The following ZNF292 variants were observed in gnomAD, a reference collection of about 807,000 sequenced individuals.
ZNF292 encodes 16 zinc-finger domain protein.
Under a neutral mutation model 217.9 loss-of-function variants are expected in ZNF292, and 26 were observed. The observed-to-expected ratio is 0.12, with a 90% CI of 0.09 to 0.17. The LOEUF is 0.17. Ranked by LOEUF, ZNF292 falls within the 10% of genes least tolerant of loss-of-function variation. The pLI, the probability that ZNF292 is intolerant of heterozygous loss-of-function variation, is 1.00. For missense variants in ZNF292, 2,904 were observed against 3,175.2 expected (o/e 0.91, Z 2.05); for synonymous variants, 1,257 against 1,124.1 (o/e 1.12, Z -2.37).
intron 1 of ZNF292, among the ~76,000 whole-genome samples, chr6:87,215,376 C>G (rs2127801683): frequency 6.6e-6 from 1 of 151,868 alleles, no homozygotes; most frequent in East Asian, 1.9e-4. Flanking sequence ...TGTTGAAAGT[C>G]TTTGGATGAC....
chr6:87,217,471 GT>G (rs1446795292), intron 3 of ZNF292, among the ~76,000 whole-genome samples: 1 of 151,614 alleles, frequency 6.6e-6, no homozygotes, highest in Non-Finnish European at 1.5e-5. Flanking sequence ...TGTATCTTAG[GT>G]TTTTTTTCCA....
intron 1 of ZNF292, among the ~76,000 whole-genome samples, chr6:87,175,192 A>G (rs1305730447): frequency 1.3e-5 from 2 of 152,062 alleles, no homozygotes; most frequent in Admixed American, 1.3e-4. Context: ...TTCTCTCCTT[A>G]TGTGAAACTT....
intron 1 of ZNF292, among the ~76,000 whole-genome samples, chr6:87,157,492 G>C (rs911691546): frequency 2.0e-5 from 3 of 152,146 alleles, no homozygotes; most frequent in Non-Finnish European, 2.9e-5. Context: ...TTAAAGTCTA[G>C]CTTTGCTGAA....
At position 87,239,461 on chromosome 6, in the gene ZNF292, G is replaced by T. The variant is rs796115331; in HGVS notation, c.742-4014G>T. On this transcript the variant is annotated intron_variant, in intron 5 of 7. Coordinates refer to ENST00000369577, the MANE Select transcript of ZNF292 (RefSeq NM_015021.3). Reference sequence around the variant, plus strand: ...GGGGGCTGCCCCCCACCTACCTCCCGGATGGGGCGGCTGGCCGGGCGGGGG... The same window carrying T: ...GGGGGCTGCCCCCCACCTACCTCCCTGATGGGGCGGCTGGCCGGGCGGGGG... 2.0e-3 allele frequency among the ~76,000 whole-genome samples: 22 copies of T among 10,920 alleles called. No individual in the cohort carries two copies. In the East Asian group the frequency reaches 0.03, roughly 15 times the overall value. The allele number at this position is 10,920 out of a possible 152,430, so 7.2% of individuals were successfully genotyped here. A position where few individuals can be genotyped will look rare whatever the true frequency, so the allele number is the denominator to read the frequency against.
rs1323158301 is a variant in ZNF292 at position 87,255,539 on chromosome 6, A to C, written c.1910A>C (p.Lys637Thr). Residue 637 changes from lysine to threonine, a missense_variant, in exon 8 of 8, where the codon AAG becomes ACG. By Grantham distance (78) the Lys-to-Thr change is moderately conservative (BLOSUM62 -1). Transcript: ENST00000369577. ...AAACAGGAGCAGCGACCTATAAAAA[A>C]GAATAGTCTCTATTCAACAGATTTT... ...VAKQEQRPIKKNSLYSTDFIV... is the reference protein window; with the variant it reads ...VAKQEQRPIKTNSLYSTDFIV... The C allele has an allele frequency of 2.5e-6, 4 of 1,612,012 alleles. No individual in the cohort carries two copies. The highest frequency in any genetic ancestry group is 3.4e-6 in the Non-Finnish European group (4 of 1,178,932).
At chr6:87,249,293 A>T in intron 7 of ZNF292, 1 of 306,504 alleles carries the variant, frequency 3.3e-6, no homozygotes, top group Non-Finnish European at 6.7e-6. Flanking sequence ...CACTTGGCTA[A>T]TTTTTTTATT....
At chr6:87,173,679 T>C (rs1169458151) in intron 1 of ZNF292, 1 of 152,352 alleles carries the variant, frequency 6.6e-6, no homozygotes, top group Non-Finnish European at 1.5e-5. Flanking sequence ...TTTTCTTCTT[T>C]GGAAGTTTTT....
rs1260514190 is a variant in ZNF292 at position 87,260,357 on chromosome 6, T to C, written c.6728T>C (p.Ile2243Thr). ...GTTCATCTAGAGGCAGACCACGGGATTGGACTAAGGGCAAGTAAAACAGAA... is the reference window on the plus strand; with the variant it reads ...GTTCATCTAGAGGCAGACCACGGGACTGGACTAAGGGCAAGTAAAACAGAA... ...YVVHLEADHG[I>T]GLRASKTEED... The change falls in exon 8 of 8, where the codon ATT (isoleucine) becomes ACT (threonine). Residue 2243 changes from isoleucine (I) to threonine (T), a missense_variant. Ile to Thr is a moderately conservative substitution (Grantham distance 89). This residue lies in a region of ZNF292 where 55 missense variants were observed against 99.8 expected (regional missense o/e 0.55). Transcript: ENST00000369577. 6.2e-7 allele frequency: 1 copy of C among 1,613,426 alleles called. No individual in the cohort carries two copies.
chr6:87,228,629 C>T (rs1386451825), intron 4 of ZNF292, among the ~76,000 whole-genome samples: 1 of 152,226 alleles, frequency 6.6e-6, no homozygotes, highest in East Asian at 1.9e-4. Flanking sequence ...TAGGGTCCAG[C>T]TACATTCTTT....
chr6:87,167,832 A>G (rs1429204618), intron 1 of ZNF292, among the ~76,000 whole-genome samples: 1 of 152,226 alleles, frequency 6.6e-6, no homozygotes, highest in Non-Finnish European at 1.5e-5. Context: ...TCGCTGATTC[A>G]GAAAATGCCA....
At chr6:87,223,974 C>G (rs1009247425) in intron 4 of ZNF292, 3 of 152,232 alleles carry the variant, frequency 2.0e-5, no homozygotes, top group African/African-American at 7.2e-5. Flanking sequence ...ACACAAAGAT[C>G]ATTGTAGCCT....
intron 1 of ZNF292, among the ~76,000 whole-genome samples, chr6:87,198,502 C>T (rs1772024856): frequency 6.6e-6 from 1 of 152,066 alleles, no homozygotes; most frequent in South Asian, 2.1e-4. Flanking sequence ...CCACGCCCGG[C>T]CCATTGCATG....
chr6:87,234,284 G>A (rs1282673551), intron 5 of ZNF292, among the ~76,000 whole-genome samples: 2 of 152,148 alleles, frequency 1.3e-5, no homozygotes, highest in African/African-American at 4.8e-5. Context: ...TTGGCTGGGT[G>A]CCTGTGGCTC....
In ZNF292 at chr6:87,259,269, C is replaced by G; in HGVS notation, c.5640C>G (p.Ile1880Met). 6.2e-7 allele frequency: 1 copy of G among 1,613,656 alleles called. No homozygotes were observed. Among genetic ancestry groups the G allele is most frequent in the Non-Finnish European group, 8.5e-7 (1 of 1,179,682 alleles). The change falls in exon 8 of 8, where the codon ATC (isoleucine) becomes ATG (methionine). Residue 1880 changes from isoleucine (I) to methionine (M), a missense_variant. By Grantham distance (10) the Ile-to-Met change is conservative. Transcript: ENST00000369577. ...TPTPVKSTAD[I>M]TVIQPVSEMI... ...CGCCTGTTAAATCAACTGCAGATAT[C>G]ACAGTTATTCAGCCAGTTTCTGAAA...
intron 5 of ZNF292, among the ~76,000 whole-genome samples, chr6:87,237,660 A>C (rs1344034260): frequency 6.6e-6 from 1 of 152,260 alleles, no homozygotes; most frequent in Non-Finnish European, 1.5e-5. Flanking sequence ...GAGCCATTTT[A>C]AAACATACAA....
At chr6:87,248,426 T>C (rs1289436768) in intron 7 of ZNF292, among the ~76,000 whole-genome samples, 1 of 152,164 alleles carries the variant, frequency 6.6e-6, no homozygotes, top group Non-Finnish European at 1.5e-5. Context: ...GATTTTTCAT[T>C]TATATATTGT....
chr6:87,176,958 A>G (rs1771318660), intron 1 of ZNF292, among the ~76,000 whole-genome samples: 1 of 152,098 alleles, frequency 6.6e-6, no homozygotes, highest in African/African-American at 2.4e-5. Flanking sequence ...TCCTCCCACC[A>G]ATAAGAAAGC....
At chr6:87,249,390 AGTG>A (rs1774778459) in intron 7 of ZNF292, 1 of 421,994 alleles carries the variant, frequency 2.4e-6, no homozygotes, top group African/African-American at 2.0e-5. Flanking sequence ...GGCCTTCCAA[AGTG>A]GTGGGATTAC....
intron 7 of ZNF292, among the ~76,000 whole-genome samples, chr6:87,248,779 A>G (rs1465889413): frequency 6.6e-6 from 1 of 152,222 alleles, no homozygotes; most frequent in African/African-American, 2.4e-5. Flanking sequence ...TCATTATTAA[A>G]TCAGATGAAT....
Sources: gnomAD v4.1 joint callset for allele counts (sites outside exome capture counted in the v4.1 genomes callset) on GRCh38, gnomAD v4.1.1 for gene constraint, gnomAD v4.1.1 regional missense constraint, MANE v1.5 for transcripts, NCBI Gene and HGNC (gene_info 2026-07-23, HGNC 2026-07-21) for gene names.